The following DRC11 variants were observed in gnomAD, a reference collection of about 807,000 sequenced individuals.
DRC11 encodes IQ and AAA domain-containing protein 1.
At chr2:236,381,389 C>T in the DRC11 span, among the ~76,000 whole-genome samples, 1 of 151,822 alleles carries the variant, frequency 6.6e-6, no homozygotes, top group African/African-American at 2.4e-5. The surrounding 1 kb of genome is among the most constrained non-coding windows in gnomAD (Gnocchi z 5.8). Flanking sequence ...GAACTATGAG[C>T]TATTAATTTC....
At chr2:236,410,629 T>C in the DRC11 span, among the ~76,000 whole-genome samples, 1 of 150,900 alleles carries the variant, frequency 6.6e-6, no homozygotes. Flanking sequence ...GGCATCACAC[T>C]ACCTGACTTC....
chr2:236,366,087 A>G, the DRC11 span, among the ~76,000 whole-genome samples: 2 of 152,198 alleles, frequency 1.3e-5, no homozygotes, highest in Non-Finnish European at 2.9e-5. Flanking sequence ...GAGATGAAAC[A>G]GTGGACACGG....
At chr2:236,485,481 C>T in the DRC11 span, among the ~76,000 whole-genome samples, 1 of 152,174 alleles carries the variant, frequency 6.6e-6, no homozygotes, top group Admixed American at 6.5e-5. Context: ...CCAGAATACA[C>T]CTTAGGTCAA....
the DRC11 span, chr2:236,380,560 A>G: frequency 1.3e-6 from 2 of 1,550,468 alleles, no homozygotes; most frequent in Non-Finnish European, 1.7e-6. The surrounding 1 kb of genome is among the most constrained non-coding windows in gnomAD (Gnocchi z 4.9). Context: ...CAACGAGTCC[A>G]TTCCTCACCT....
At chr2:236,337,364 C>G in the DRC11 span, among the ~76,000 whole-genome samples, 22 of 152,298 alleles carry the variant, frequency 1.4e-4, no homozygotes, top group Non-Finnish European at 2.9e-4. This position sits in a 1 kb window ranked among gnomAD's most constrained non-coding sequence, Gnocchi z 4.9. Context: ...CTCCTCCTGC[C>G]CAGCCCACAC....
the DRC11 span, among the ~76,000 whole-genome samples, chr2:236,437,884 T>C: frequency 1.6e-4 from 23 of 146,224 alleles, no homozygotes; most frequent in Non-Finnish European, 3.0e-4. Flanking sequence ...TTCTCCCATT[T>C]TGTAGGTTGC....
chr2:236,399,569 G>C, the DRC11 span: 54 of 1,164,798 alleles, frequency 4.6e-5, no homozygotes, highest in African/African-American at 5.3e-4. This position sits in a 1 kb window ranked among gnomAD's most constrained non-coding sequence, Gnocchi z 7.0. Context: ...ACCGTGACGA[G>C]GGTCCATGCC....
the DRC11 span, among the ~76,000 whole-genome samples, chr2:236,321,009 G>T: frequency 6.6e-6 from 1 of 152,276 alleles, no homozygotes; most frequent in South Asian, 2.1e-4. Flanking sequence ...CTGCTCCGTG[G>T]ATGACAAGGT....
chr2:236,444,496 G>C, the DRC11 span, among the ~76,000 whole-genome samples: 19 of 152,172 alleles, frequency 1.2e-4, no homozygotes, highest in Non-Finnish European at 1.9e-4. Context: ...AGGCCCCCAG[G>C]GGTCCTGGGA....
the DRC11 span, among the ~76,000 whole-genome samples, chr2:236,313,340 C>G: frequency 0.086 from 13,065 of 152,204 alleles, 1,293 homozygotes; most frequent in East Asian, 0.24. The surrounding 1 kb of genome is among the most constrained non-coding windows in gnomAD (Gnocchi z 4.5). Context: ...AAATGCAACA[C>G]TGGTTTAACC....
At chr2:236,336,595 C>T in the DRC11 span, among the ~76,000 whole-genome samples, 5 of 152,124 alleles carry the variant, frequency 3.3e-5, no homozygotes, top group Non-Finnish European at 7.4e-5. This position sits in a 1 kb window ranked among gnomAD's most constrained non-coding sequence, Gnocchi z 7.3. Flanking sequence ...CCACCCACAC[C>T]ACCATCAACA....
At chr2:236,383,518 G>A in the DRC11 span, among the ~76,000 whole-genome samples, 1 of 151,826 alleles carries the variant, frequency 6.6e-6, no homozygotes, top group Non-Finnish European at 1.5e-5. Flanking sequence ...CTAGTTCCTT[G>A]AGGTATGTTG....
chr2:236,357,391 T>TATAA, the DRC11 span, among the ~76,000 whole-genome samples: 14,533 of 87,256 alleles, frequency 0.17, 1,741 homozygotes, highest in African/African-American at 0.39. Flanking sequence ...GTATAGATAT[T>TATAA]ATATAGTATA....
chr2:236,486,288 A>G, the DRC11 span, among the ~76,000 whole-genome samples: 1 of 152,164 alleles, frequency 6.6e-6, no homozygotes, highest in East Asian at 1.9e-4. This position sits in a 1 kb window ranked among gnomAD's most constrained non-coding sequence, Gnocchi z 5.7. Context: ...TGACACCTTG[A>G]CTGCAGCCTT....
the DRC11 span, chr2:236,409,064 T>G: frequency 3.6e-6 from 2 of 556,670 alleles, no homozygotes; most frequent in South Asian, 4.1e-5. Context: ...AGTGGAGGAC[T>G]TCTTGTGAGA....
the DRC11 span, among the ~76,000 whole-genome samples, chr2:236,494,676 C>T: frequency 6.6e-6 from 1 of 152,126 alleles, no homozygotes; most frequent in East Asian, 1.9e-4. This position sits in a 1 kb window ranked among gnomAD's most constrained non-coding sequence, Gnocchi z 4.2. Context: ...CTAGGTGTGA[C>T]TCCCCATAAC....
At chr2:236,503,328 G>C in the DRC11 span, among the ~76,000 whole-genome samples, 3 of 152,334 alleles carry the variant, frequency 2.0e-5, no homozygotes, top group South Asian at 6.2e-4. The surrounding 1 kb of genome is among the most constrained non-coding windows in gnomAD (Gnocchi z 4.9). Context: ...AGATTTTCTG[G>C]ATGTCTAGAC....
the DRC11 span, among the ~76,000 whole-genome samples, chr2:236,379,966 T>C: frequency 2.6e-5 from 4 of 152,266 alleles, no homozygotes; most frequent in Non-Finnish European, 5.9e-5. Flanking sequence ...AAGAAAAATA[T>C]ACATTCAAAA....
chr2:236,416,607 T>C, the DRC11 span, among the ~76,000 whole-genome samples: 1 of 150,840 alleles, frequency 6.6e-6, no homozygotes, highest in African/African-American at 2.4e-5. Flanking sequence ...CGGGTCACAG[T>C]GCAGGAGCCG....
Sources: gnomAD v4.1 joint callset for allele counts (sites outside exome capture counted in the v4.1 genomes callset) on GRCh38, gnomAD v4.1.1 for gene constraint, Gnocchi (gnomAD v3.1) non-coding constraint, MANE v1.5 for transcripts, NCBI Gene and HGNC (gene_info 2026-07-23, HGNC 2026-07-21) for gene names.